Variants in CTXND1 observed in about 807,000 individuals in gnomAD.
CTXND1 encodes cortexin domain containing 1.
Position 80,198,062 on chromosome 15 carries a change from A to C in CTXND1, c.*3708T>G, listed in dbSNP as rs999282136. ...GGCCACATTTCTTCTAGTGACCATCACTCTGAACTCTTGGTTCTGCATATT... is the reference window on the plus strand; with the variant it reads ...GGCCACATTTCTTCTAGTGACCATCCCTCTGAACTCTTGGTTCTGCATATT... On this transcript the variant is annotated 3_prime_UTR_variant, in exon 3 of 3. Coordinates refer to ENST00000560778, the MANE Select transcript of CTXND1 (RefSeq NM_001352888.2). 2.6e-5 allele frequency: 4 copies of C among 152,134 alleles called. No homozygotes were observed. In the East Asian group the frequency reaches 7.7e-4, roughly 29 times the overall value. 9.4% of individuals were successfully genotyped at this position (152,134 alleles called of 1,614,324 possible).
intron 1 of CTXND1, among the ~76,000 whole-genome samples, chr15:80,210,391 A>G (rs757187988): frequency 6.6e-5 from 10 of 152,174 alleles, no homozygotes; most frequent in Non-Finnish European, 1.0e-4. Flanking sequence ...TATTTAAACC[A>G]CAGTAAGCCA....
chr15:80,196,706 A>G lies in CTXND1; in HGVS notation c.*5064T>C, dbSNP rs1427527013. On this transcript the variant is annotated 3_prime_UTR_variant, in exon 3 of 3. Coordinates refer to ENST00000560778, the MANE Select transcript of CTXND1 (RefSeq NM_001352888.2). Reference sequence around the variant, plus strand: ...AGTTTGTGAATGGCTGCTAAGTGGTAATAAGATGAATTGTGCTGGTTTTTC... The same window carrying G: ...AGTTTGTGAATGGCTGCTAAGTGGTGATAAGATGAATTGTGCTGGTTTTTC... 6.6e-6 allele frequency: 1 copy of G among 152,210 alleles called. No homozygotes were observed. Among genetic ancestry groups the G allele is most frequent in the Non-Finnish European group, 1.5e-5 (1 of 68,042 alleles). 9.4% of individuals were successfully genotyped at this position (152,210 alleles called of 1,614,324 possible).
intron 1 of CTXND1, among the ~76,000 whole-genome samples, chr15:80,235,273 G>A (rs1893482061): frequency 1.3e-5 from 2 of 152,180 alleles, no homozygotes; most frequent in Non-Finnish European, 2.9e-5. Flanking sequence ...GATAGCCTGA[G>A]CCCCAGAAGC....
chr15:80,208,795 G>A (rs1462291279), intron 1 of CTXND1, among the ~76,000 whole-genome samples: 1 of 152,164 alleles, frequency 6.6e-6, no homozygotes, highest in Non-Finnish European at 1.5e-5. Context: ...TGTAGGGGGA[G>A]GAGGACTTTT....
chr15:80,243,612 C>T (rs578244161), intron 1 of CTXND1, among the ~76,000 whole-genome samples: 1 of 152,274 alleles, frequency 6.6e-6, no homozygotes, highest in African/African-American at 2.4e-5. Flanking sequence ...TCGTCATTTT[C>T]CCTCCTTTCT....
chr15:80,217,563 TAG>T (rs1450965237), intron 1 of CTXND1, among the ~76,000 whole-genome samples: 4 of 148,132 alleles, frequency 2.7e-5, no homozygotes, highest in African/African-American at 1.0e-4. Flanking sequence ...TTTATTTATT[TAG>T]AGACAGTGTC....
chr15:80,214,527 A>G (rs1030426364), intron 1 of CTXND1, among the ~76,000 whole-genome samples: 9 of 152,210 alleles, frequency 5.9e-5, no homozygotes, highest in Admixed American at 2.6e-4. Flanking sequence ...TAACATTAAA[A>G]AAAATTATTG....
intron 1 of CTXND1, among the ~76,000 whole-genome samples, chr15:80,230,861 C>G (rs147749468): frequency 6.6e-6 from 1 of 152,140 alleles, no homozygotes; most frequent in African/African-American, 2.4e-5. Context: ...AGTTTGAGAC[C>G]AGCCTGGCCA....
At chr15:80,205,824 A>G (rs1472925861) in intron 1 of CTXND1, among the ~76,000 whole-genome samples, 3 of 152,218 alleles carry the variant, frequency 2.0e-5, no homozygotes, top group African/African-American at 7.2e-5. Context: ...ATGAGAATAA[A>G]AAGCCTTTTT....
intron 1 of CTXND1, among the ~76,000 whole-genome samples, chr15:80,227,084 T>A (rs896119578): frequency 6.6e-6 from 1 of 152,258 alleles, no homozygotes; most frequent in African/African-American, 2.4e-5. Flanking sequence ...TCAAAATTTA[T>A]TTCTGTTTTG....
At chr15:80,217,977 C>T (rs766172453) in intron 1 of CTXND1, among the ~76,000 whole-genome samples, 22 of 152,074 alleles carry the variant, frequency 1.4e-4, no homozygotes, top group African/African-American at 4.3e-4. Context: ...CTATGGATGC[C>T]GATGTATTTA....
At chr15:80,238,233 G>A (rs1177054559) in intron 1 of CTXND1, among the ~76,000 whole-genome samples, 1 of 152,026 alleles carries the variant, frequency 6.6e-6, no homozygotes, top group African/African-American at 2.4e-5. Context: ...AGTCCTGCAA[G>A]TTCCATTTAT....
chr15:80,226,063 G>A (rs894541931), intron 1 of CTXND1, among the ~76,000 whole-genome samples: 4 of 152,152 alleles, frequency 2.6e-5, no homozygotes, highest in African/African-American at 7.2e-5. Context: ...GGGTGCTTGG[G>A]CTTGGGCCAG....
At chr15:80,227,520 G>A (rs1305297973) in intron 1 of CTXND1, among the ~76,000 whole-genome samples, 2 of 145,340 alleles carry the variant, frequency 1.4e-5, no homozygotes, top group East Asian at 2.0e-4. Context: ...TTGTGGGTTC[G>A]GTTCTAGACC....
At chr15:80,203,372 G>A (rs1305992853) in intron 2 of CTXND1, among the ~76,000 whole-genome samples, 1 of 152,202 alleles carries the variant, frequency 6.6e-6, no homozygotes, top group South Asian at 2.1e-4. Flanking sequence ...GGGAAATGAC[G>A]TATCCAAGGT....
intron 1 of CTXND1, among the ~76,000 whole-genome samples, chr15:80,208,348 T>C (rs572184713): frequency 3.3e-5 from 5 of 152,340 alleles, no homozygotes; most frequent in Admixed American, 2.6e-4. Context: ...AAATATGATA[T>C]CATTTATGTA....
At chr15:80,204,555 G>A (rs1464717962) in intron 1 of CTXND1, among the ~76,000 whole-genome samples, 1 of 150,102 alleles carries the variant, frequency 6.7e-6, no homozygotes, top group Non-Finnish European at 1.5e-5. Context: ...TTTGTGACTG[G>A]CTTATTTCAT....
At chr15:80,235,808 G>C (rs1250856630) in intron 1 of CTXND1, among the ~76,000 whole-genome samples, 1 of 151,716 alleles carries the variant, frequency 6.6e-6, no homozygotes, top group Non-Finnish European at 1.5e-5. Flanking sequence ...TGACTGGGTA[G>C]CCTGACACAA....
At chr15:80,216,169 G>A (rs773889712) in intron 1 of CTXND1, among the ~76,000 whole-genome samples, 5 of 152,118 alleles carry the variant, frequency 3.3e-5, no homozygotes, top group Non-Finnish European at 5.9e-5. Context: ...TCATGTCCCC[G>A]TTCTCCAGGG....
Sources: gnomAD v4.1 joint callset for allele counts (sites outside exome capture counted in the v4.1 genomes callset) on GRCh38, gnomAD v4.1.1 for gene constraint, MANE v1.5 for transcripts, NCBI Gene and HGNC (gene_info 2026-07-23, HGNC 2026-07-21) for gene names.